Variants in DTNB observed in about 807,000 individuals in gnomAD.
DTNB encodes DTN-B.
DTNB carries 63 observed loss-of-function variants against 90.7 expected under a neutral mutation model. The ratio of observed to expected loss-of-function variants is 0.69; its 90% confidence interval spans 0.57 to 0.86. The LOEUF (loss-of-function observed/expected upper bound fraction) is 0.86. Among genes scored for constraint, DTNB ranks in the 40% least tolerant of loss-of-function variants. The probability of loss-of-function intolerance (pLI) is 0.00; values close to 1 mark genes in which losing one functional copy is unlikely to be tolerated. For missense variants in DTNB, 744 were observed against 807.1 expected, an observed-to-expected ratio of 0.92 and a Z score of 0.95; for synonymous variants, 277 against 286.7, an observed-to-expected ratio of 0.97 and a Z score of 0.34.
At chr2:25,378,532 T>G (rs2036540128) in intron 20 of DTNB, among the ~76,000 whole-genome samples, 1 of 151,640 alleles carries the variant, frequency 6.6e-6, no homozygotes, top group African/African-American at 2.4e-5. Context: ...GGGCCCTGAC[T>G]TCTTTATTCG....
Position 25,427,530 on chromosome 2 carries a change from C to G in DTNB, c.1554+5G>C, listed in dbSNP as rs774345423. The G allele has an allele frequency of 2.5e-6, 4 of 1,613,598 alleles. No individual in the cohort carries two copies. The highest frequency in any genetic ancestry group is 3.4e-6 in the Non-Finnish European group (4 of 1,179,778). On this transcript the variant is annotated splice_donor_5th_base_variant and intron_variant, in intron 15 of 20. Coordinates refer to ENST00000406818, the MANE Select transcript of DTNB (RefSeq NM_021907.5). ...AAGAACTGAGCGTGGGCCACGGGCT[C>G]TTACCTTCAGCAACTTCATCAGCTC...
chr2:25,500,530 A>C (rs945195693), intron 9 of DTNB, among the ~76,000 whole-genome samples: 2 of 152,246 alleles, frequency 1.3e-5, no homozygotes, highest in African/African-American at 2.4e-5. Flanking sequence ...CCAAGACATT[A>C]GAGAATTTGC....
intron 1 of DTNB, among the ~76,000 whole-genome samples, chr2:25,664,156 T>C (rs968042753): frequency 5.3e-5 from 8 of 152,332 alleles, no homozygotes; most frequent in Middle Eastern, 3.4e-3. Context: ...TTTTTAGTAA[T>C]TCTAAGCTAT....
intron 6 of DTNB, among the ~76,000 whole-genome samples, chr2:25,581,917 G>A (rs1009048831): frequency 6.6e-6 from 1 of 152,198 alleles, no homozygotes; most frequent in African/African-American, 2.4e-5. Flanking sequence ...CCTCCTCCAT[G>A]TCCTGATCCC....
chr2:25,567,817 A>G (rs1039147820), intron 8 of DTNB, among the ~76,000 whole-genome samples: 5 of 152,224 alleles, frequency 3.3e-5, no homozygotes, highest in Admixed American at 3.3e-4. Flanking sequence ...TCTGAATGGA[A>G]GGCAGAGAAG....
intron 16 of DTNB, among the ~76,000 whole-genome samples, chr2:25,405,608 GTTTTT>G (rs941531346): frequency 6.9e-6 from 1 of 145,956 alleles, no homozygotes; most frequent in Non-Finnish European, 1.5e-5. Context: ...TTTTGTTGTT[GTTTTT>G]TTTTTCAACA....
chr2:25,412,290 T>G (rs1225236119), intron 16 of DTNB, among the ~76,000 whole-genome samples: 1 of 152,084 alleles, frequency 6.6e-6, no homozygotes, highest in East Asian at 1.9e-4. Flanking sequence ...AGGTGGGTAT[T>G]TGTCTGGGTC....
chr2:25,653,478 G>GCTTTCTTTCTTTCTTT (rs1201675268), intron 1 of DTNB, among the ~76,000 whole-genome samples: 8 of 116,596 alleles, frequency 6.9e-5, no homozygotes, highest in Non-Finnish European at 9.9e-5. Context: ...TTCAGAGCTT[G>GCTTTCTTTCTTTCTTT]CTTTCTTTCT....
At chr2:25,532,484 C>T (rs958837931) in intron 8 of DTNB, among the ~76,000 whole-genome samples, 8 of 152,006 alleles carry the variant, frequency 5.3e-5, no homozygotes, top group African/African-American at 1.5e-4. Context: ...CTCTATATTA[C>T]AAAAATAAGT....
intron 8 of DTNB, 41 bp downstream of exon 8, chr2:25,576,797 G>T: frequency 6.3e-7 from 1 of 1,576,208 alleles, no homozygotes; most frequent in South Asian, 1.2e-5. Context: ...TGATCAAACA[G>T]ATTAACACTC....
intron 1 of DTNB, among the ~76,000 whole-genome samples, chr2:25,664,818 T>A (rs1218950228): frequency 6.6e-6 from 1 of 152,178 alleles, no homozygotes; most frequent in East Asian, 1.9e-4. Context: ...GCTAGGAATC[T>A]GCGGAGTTGA....
At chr2:25,661,655 T>C (rs144182834) in intron 1 of DTNB, among the ~76,000 whole-genome samples, 547 of 152,322 alleles carry the variant, frequency 3.6e-3, no homozygotes, top group Admixed American at 8.3e-3. Flanking sequence ...TCTACAATAA[T>C]TCACTAAGCT....
At chr2:25,572,393 G>A (rs748090737) in intron 8 of DTNB, among the ~76,000 whole-genome samples, 11 of 151,842 alleles carry the variant, frequency 7.2e-5, no homozygotes, top group Non-Finnish European at 1.3e-4. Context: ...CGTGAACCCA[G>A]GAGGCGGAGC....
intron 1 of DTNB, among the ~76,000 whole-genome samples, chr2:25,671,938 A>T (rs2086007946): frequency 6.6e-6 from 1 of 152,150 alleles, no homozygotes; most frequent in Admixed American, 6.5e-5. Context: ...CTCGCACTAC[A>T]GGTCTAAGAC....
At chr2:25,416,796 G>A (rs1031913150) in intron 16 of DTNB, among the ~76,000 whole-genome samples, 1 of 135,590 alleles carries the variant, frequency 7.4e-6, no homozygotes, top group African/African-American at 2.7e-5. Flanking sequence ...AAGGAAGGAA[G>A]GAAGGAACGA....
At chr2:25,528,382 A>G (rs1050004081) in intron 9 of DTNB, among the ~76,000 whole-genome samples, 4 of 152,202 alleles carry the variant, frequency 2.6e-5, no homozygotes, top group African/African-American at 9.6e-5. Context: ...AACCACTTCT[A>G]TTCAGTATTG....
At chr2:25,670,636 C>T (rs1435266259) in intron 1 of DTNB, among the ~76,000 whole-genome samples, 1 of 151,668 alleles carries the variant, frequency 6.6e-6, no homozygotes, top group Admixed American at 6.6e-5. Flanking sequence ...ATGGTGCTCC[C>T]TAAAGCTGGG....
chr2:25,511,792 A>G (rs1342247127), intron 9 of DTNB, among the ~76,000 whole-genome samples: 2 of 152,328 alleles, frequency 1.3e-5, no homozygotes, highest in African/African-American at 2.4e-5. Flanking sequence ...AATAAACTCT[A>G]TGGAGAAGCT....
intron 3 of DTNB, among the ~76,000 whole-genome samples, chr2:25,634,056 C>A (rs910879589): frequency 6.6e-6 from 1 of 152,076 alleles, no homozygotes; most frequent in Non-Finnish European, 1.5e-5. Context: ...CTACGCCCGG[C>A]AGCCAGGAGG....
Sources: gnomAD v4.1 joint callset for allele counts (sites outside exome capture counted in the v4.1 genomes callset) on GRCh38, gnomAD v4.1.1 for gene constraint, MANE v1.5 for transcripts, NCBI Gene and HGNC (gene_info 2026-07-23, HGNC 2026-07-21) for gene names.